MCPH1: variants seen among roughly 807,000 people sequenced by gnomAD.
MCPH1 encodes the protein microcephalin 1, also known as microcephalin.
Under a neutral mutation model 84.5 loss-of-function variants are expected in MCPH1, and 104 were observed. That is an observed-to-expected ratio of 1.23 (90% CI 1.05 to 1.45). MCPH1 has a LOEUF of 1.45. Ranked by LOEUF, MCPH1 falls within the 40% of genes most tolerant of loss-of-function variation. The pLI, the probability that MCPH1 is intolerant of heterozygous loss-of-function variation, is 0.00. For synonymous variants in MCPH1, 514 were observed against 366.8 expected, an observed-to-expected ratio of 1.40 and a Z score of -4.58; for missense variants, 1,498 against 1,005.7, an observed-to-expected ratio of 1.49 and a Z score of -6.62.
At chr8:6,561,418 C>G (rs958425299) in intron 12 of MCPH1, among the ~76,000 whole-genome samples, 1 of 152,182 alleles carries the variant, frequency 6.6e-6, no homozygotes, top group African/African-American at 2.4e-5. Context: ...ATAACTTAGT[C>G]GTTTCCTCTC....
intron 12 of MCPH1, among the ~76,000 whole-genome samples, chr8:6,583,855 TTG>T (rs1217462657): frequency 6.6e-6 from 1 of 151,284 alleles, no homozygotes; most frequent in Non-Finnish European, 1.5e-5. Flanking sequence ...ATTTCTTGTT[TTG>T]TTTTTTTTTT....
intron 13 of MCPH1, among the ~76,000 whole-genome samples, chr8:6,631,668 A>C (rs910210584): frequency 4.6e-5 from 7 of 151,550 alleles, no homozygotes; most frequent in South Asian, 2.1e-4. Context: ...AAAAAAAAAA[A>C]CCCAGAAAAT....
At chr8:6,631,598 T>C (rs1354068901) in intron 13 of MCPH1, among the ~76,000 whole-genome samples, 1 of 149,720 alleles carries the variant, frequency 6.7e-6, no homozygotes, top group African/African-American at 2.5e-5. Flanking sequence ...AAGATGCAAA[T>C]CAAAACCACA....
intron 12 of MCPH1, among the ~76,000 whole-genome samples, chr8:6,570,991 C>A (rs1826612712): frequency 6.6e-6 from 1 of 151,450 alleles, no homozygotes. Context: ...GGGAAATATC[C>A]AAGTAACTAT....
rs115145385 is a variant in MCPH1, at chr8:6,597,806, G to A, written c.2215-23648G>A. On this transcript the variant is annotated intron_variant, in intron 12 of 13. Coordinates refer to ENST00000344683, the MANE Select transcript of MCPH1 (RefSeq NM_024596.5). ...TCTGAATATGGTCTACTGTCCTTCC[G>A]TGACCCACATCACCTTGGTCCTCTC... Among the ~76,000 whole-genome samples the A allele has an allele frequency of 3.0e-3, 456 of 152,104 alleles. 2 individuals are homozygous for A. The highest frequency in any genetic ancestry group is 0.01 in the African/African-American group (425 of 41,482).
chr8:6,429,935 A>G (rs1801600886), intron 3 of MCPH1, among the ~76,000 whole-genome samples: 1 of 152,202 alleles, frequency 6.6e-6, no homozygotes, highest in African/African-American at 2.4e-5. Flanking sequence ...AACCCTTGGA[A>G]TCACATGAAT....
At chr8:6,574,058 C>A (rs957230545) in intron 12 of MCPH1, among the ~76,000 whole-genome samples, 1 of 152,154 alleles carries the variant, frequency 6.6e-6, no homozygotes, top group African/African-American at 2.4e-5. Flanking sequence ...AATAAACACA[C>A]AAGAAAACAT....
chr8:6,426,465 G>GAC (rs768814247), intron 3 of MCPH1, among the ~76,000 whole-genome samples: 1 of 152,230 alleles, frequency 6.6e-6, no homozygotes, highest in Non-Finnish European at 1.5e-5. Context: ...TTTTGTGCCT[G>GAC]ACATCACTGA....
At chr8:6,524,643 T>G (rs1222284980) in intron 12 of MCPH1, among the ~76,000 whole-genome samples, 1 of 152,186 alleles carries the variant, frequency 6.6e-6, no homozygotes, top group Non-Finnish European at 1.5e-5. Context: ...AATCAAGAAA[T>G]GAAAGCATCA....
At chr8:6,635,609 C>A (rs1046991799) in intron 13 of MCPH1, among the ~76,000 whole-genome samples, 1 of 151,956 alleles carries the variant, frequency 6.6e-6, no homozygotes, top group Non-Finnish European at 1.5e-5. Flanking sequence ...ACCCAAAAAA[C>A]TAAGTAAATA....
chr8:6,625,156 T>G, intron 13 of MCPH1: 1 of 983,982 alleles, frequency 1.0e-6, no homozygotes, highest in Non-Finnish European at 1.2e-6. Flanking sequence ...ATTACAGGCG[T>G]GAGCCACCGT....
At chr8:6,625,752 C>G (rs777974010) in intron 13 of MCPH1, 23 of 978,514 alleles carry the variant, frequency 2.4e-5, no homozygotes, top group Admixed American at 6.2e-5. Context: ...CCACTGTACT[C>G]CAGCCTAGGC....
At chr8:6,527,936 C>T (rs941172060) in intron 12 of MCPH1, among the ~76,000 whole-genome samples, 7 of 140,312 alleles carry the variant, frequency 5.0e-5, no homozygotes, top group African/African-American at 1.8e-4. Context: ...CGCTCCATTG[C>T]CCGGGGTGGA....
chr8:6,612,359 A>G (rs1167604673), intron 12 of MCPH1, among the ~76,000 whole-genome samples: 3 of 152,238 alleles, frequency 2.0e-5, no homozygotes, highest in African/African-American at 7.2e-5. Context: ...CCCGGGCGTG[A>G]TAACTCTTCT....
chr8:6,410,802 C>A (rs191673962), intron 2 of MCPH1, among the ~76,000 whole-genome samples: 175 of 152,210 alleles, frequency 1.1e-3, no homozygotes, highest in Admixed American at 1.4e-3. Flanking sequence ...TCTGCACAAG[C>A]ATAGTTGGGA....
At chr8:6,477,441 G>A in intron 9 of MCPH1, 153 bp from the exon 10 acceptor site, 1 of 651,538 alleles carries the variant, frequency 1.5e-6, no homozygotes, top group Non-Finnish European at 2.6e-6. Flanking sequence ...GTTTTTTCCA[G>A]GAATATAAAG....
At chr8:6,516,403 T>C (rs1029304600) in intron 12 of MCPH1, among the ~76,000 whole-genome samples, 1 of 152,220 alleles carries the variant, frequency 6.6e-6, no homozygotes, top group Non-Finnish European at 1.5e-5. Context: ...TTCTAAGTGA[T>C]ATATAGGATT....
Position 6,644,385 on chromosome 8 carries a change from T to C in MCPH1, c.*1336T>C, listed in dbSNP as rs370528441. On this transcript the variant is annotated 3_prime_UTR_variant, in exon 14 of 14. Transcript: ENST00000344683. ...GAATAAGCCATAAAAGGCATCCAAATAGGAAAAGAAGTCAAACTGTCTCTC... is the reference window on the plus strand; with the variant it reads ...GAATAAGCCATAAAAGGCATCCAAACAGGAAAAGAAGTCAAACTGTCTCTC... 1 of 152,228 alleles carries C rather than the reference T, an allele frequency of 6.6e-6. No individual in the cohort carries two copies. Among genetic ancestry groups the C allele is most frequent in the East Asian group, 1.9e-4 (1 of 5,182 alleles). The allele number at this position is 152,228 out of a possible 1,614,324, so 9.4% of individuals were successfully genotyped here. A position where few individuals can be genotyped will look rare whatever the true frequency, so the allele number is the denominator to read the frequency against.
chr8:6,509,713 G>A (rs905942989), intron 12 of MCPH1, among the ~76,000 whole-genome samples: 3 of 152,204 alleles, frequency 2.0e-5, no homozygotes, highest in African/African-American at 7.2e-5. Flanking sequence ...CCCATTTTCT[G>A]TTGAAAATGT....
Sources: gnomAD v4.1 joint callset for allele counts (sites outside exome capture counted in the v4.1 genomes callset) on GRCh38, gnomAD v4.1.1 for gene constraint, MANE v1.5 for transcripts, NCBI Gene and HGNC (gene_info 2026-07-23, HGNC 2026-07-21) for gene names.